CSMD1: variants seen among roughly 807,000 people sequenced by gnomAD.
CSMD1 encodes the protein CUB and sushi domain-containing protein 1.
CSMD1 carries 213 observed loss-of-function variants against 417.5 expected under a neutral mutation model. The observed-to-expected ratio is 0.51, with a 90% CI of 0.46 to 0.57. The LOEUF is 0.57. CSMD1 is among the 20% of genes least tolerant of loss of function. The pLI is 0.00. For synonymous variants in CSMD1, 2,862 were observed against 1,736.8 expected (o/e 1.65, Z -16.11); for missense variants, 6,923 against 4,529.7 (o/e 1.53, Z -15.17).
chr8:4,549,896 CAAAAAA>C (rs777040766), intron 2 of CSMD1, among the ~76,000 whole-genome samples: 4 of 88,654 alleles, frequency 4.5e-5, no homozygotes, highest in South Asian at 4.6e-4. Flanking sequence ...GACTTTGTCT[CAAAAAA>C]AAAAAAAAAA....
At chr8:3,690,516 C>A (rs1252891619) in intron 7 of CSMD1, among the ~76,000 whole-genome samples, 1 of 152,186 alleles carries the variant, frequency 6.6e-6, no homozygotes, top group Non-Finnish European at 1.5e-5. Flanking sequence ...GGGGACGCCT[C>A]CCAAATAGAC....
intron 2 of CSMD1, among the ~76,000 whole-genome samples, chr8:4,459,681 A>C (rs1398871320): frequency 2.6e-5 from 4 of 152,210 alleles, no homozygotes; most frequent in Admixed American, 2.6e-4. Context: ...AGAAGTGTGG[A>C]CATAAGAATA....
chr8:3,405,930 G>A, intron 15 of CSMD1, 97 bp downstream of exon 15: 1 of 1,159,586 alleles, frequency 8.6e-7, no homozygotes, highest in Non-Finnish European at 1.2e-6. Flanking sequence ...TGTTAGGGCA[G>A]CCCTAGCAAG....
intron 2 of CSMD1, among the ~76,000 whole-genome samples, chr8:4,549,895 T>TA (rs1563277700): frequency 0.26 from 16,653 of 64,934 alleles, 1,666 homozygotes; most frequent in Admixed American, 0.34. Context: ...AGACTTTGTC[T>TA]CAAAAAAAAA....
intron 1 of CSMD1, among the ~76,000 whole-genome samples, chr8:4,891,983 G>C (rs188067588): frequency 1.1e-4 from 16 of 152,122 alleles, no homozygotes; most frequent in African/African-American, 3.6e-4. Flanking sequence ...AAAGAGGTAA[G>C]ACCAAAATAG....
At chr8:4,361,815 C>A in intron 3 of CSMD1, among the ~76,000 whole-genome samples, 1 of 151,924 alleles carries the variant, frequency 6.6e-6, no homozygotes, top group East Asian at 1.9e-4. Flanking sequence ...ACTAGCCAGG[C>A]GTGGTGCGGG....
At chr8:4,311,615 T>C (rs1798577150) in intron 3 of CSMD1, among the ~76,000 whole-genome samples, 2 of 149,888 alleles carry the variant, frequency 1.3e-5, no homozygotes, top group Non-Finnish European at 3.0e-5. Context: ...CCCAGCTACT[T>C]GGGAAGCTTA....
At chr8:4,068,714 A>C (rs1408358581) in intron 3 of CSMD1, among the ~76,000 whole-genome samples, 1 of 152,168 alleles carries the variant, frequency 6.6e-6, no homozygotes, top group Non-Finnish European at 1.5e-5. Flanking sequence ...GTGGGGAAAA[A>C]AGAAATAACT....
chr8:3,707,317 G>A (rs904650651), intron 7 of CSMD1, among the ~76,000 whole-genome samples: 6 of 144,392 alleles, frequency 4.2e-5, no homozygotes, highest in African/African-American at 7.6e-5. Flanking sequence ...GAATTGACCC[G>A]AGAGGGTTCA....
intron 3 of CSMD1, among the ~76,000 whole-genome samples, chr8:4,159,595 T>C (rs1488021859): frequency 6.6e-6 from 1 of 152,106 alleles, no homozygotes; most frequent in Non-Finnish European, 1.5e-5. Context: ...AGACCATTAT[T>C]ATTATTATTG....
intron 1 of CSMD1, among the ~76,000 whole-genome samples, chr8:4,673,672 G>A (rs1232897736): frequency 6.6e-6 from 1 of 152,080 alleles, no homozygotes; most frequent in East Asian, 1.9e-4. Flanking sequence ...CTCTGCTAAT[G>A]CTTCCTCAAC....
intron 31 of CSMD1, 85 bp from the exon 32 acceptor site, chr8:3,201,810 T>C (rs1797006925): frequency 1.5e-6 from 1 of 651,576 alleles, no homozygotes; most frequent in Non-Finnish European, 2.7e-6. Context: ...TATCTATTAA[T>C]TGCCCCAATG....
chr8:3,634,338 G>A (rs1030141546), intron 7 of CSMD1, among the ~76,000 whole-genome samples: 8 of 152,176 alleles, frequency 5.3e-5, no homozygotes, highest in African/African-American at 1.9e-4. Context: ...GCATGCCTGT[G>A]TGACACTCTG....
chr8:3,712,027 A>C (rs890797480), intron 6 of CSMD1, among the ~76,000 whole-genome samples: 2 of 152,320 alleles, frequency 1.3e-5, no homozygotes, highest in East Asian at 1.9e-4. Context: ...GTACTCTTGC[A>C]AACAAGTGTT....
intron 1 of CSMD1, among the ~76,000 whole-genome samples, chr8:4,717,776 T>C (rs148281054): frequency 2.0e-5 from 3 of 152,208 alleles, no homozygotes; most frequent in Non-Finnish European, 4.4e-5. Context: ...AGATTGTCAA[T>C]AAAAGCATAC....
At chr8:3,136,423 C>T (rs115828519) in intron 41 of CSMD1, among the ~76,000 whole-genome samples, 6,344 of 151,912 alleles carry the variant, frequency 0.042, 323 homozygotes, top group African/African-American at 0.12. Flanking sequence ...CCCCACCATG[C>T]CCAGCTAGTA....
chr8:4,152,327 A>G (rs905156969), intron 3 of CSMD1, among the ~76,000 whole-genome samples: 1 of 152,120 alleles, frequency 6.6e-6, no homozygotes, highest in Admixed American at 6.6e-5. Context: ...TGAATTGAAT[A>G]TTTACAGAAA....
chr8:3,261,428 A>G (rs914742391), intron 26 of CSMD1, among the ~76,000 whole-genome samples: 2 of 152,178 alleles, frequency 1.3e-5, no homozygotes, highest in African/African-American at 4.8e-5. Context: ...GGCTTGGGTG[A>G]TGGGTGCGCC....
At chr8:4,861,348 G>C (rs564630045) in intron 1 of CSMD1, among the ~76,000 whole-genome samples, 3 of 152,048 alleles carry the variant, frequency 2.0e-5, no homozygotes, top group Admixed American at 1.3e-4. Context: ...GACATTTCAG[G>C]CTTTATGGGT....
Sources: gnomAD v4.1 joint callset for allele counts (sites outside exome capture counted in the v4.1 genomes callset) on GRCh38, gnomAD v4.1.1 for gene constraint, MANE v1.5 for transcripts, NCBI Gene and HGNC (gene_info 2026-07-23, HGNC 2026-07-21) for gene names.